DNTTIP2: variants seen among roughly 807,000 people sequenced by gnomAD.
DNTTIP2 encodes the protein deoxynucleotidyltransferase terminal-interacting protein 2.
Under a neutral mutation model 62.4 loss-of-function variants are expected in DNTTIP2, and 47 were observed. The observed-to-expected ratio is 0.75, with a 90% CI of 0.60 to 0.96. DNTTIP2 has a LOEUF of 0.96. Ranked by LOEUF, DNTTIP2 falls within the 40% of genes least tolerant of loss-of-function variation. The pLI is 0.00. For synonymous variants in DNTTIP2, 322 were observed against 300.9 expected (o/e 1.07, Z -0.73); for missense variants, 870 against 849.1 (o/e 1.02, Z -0.31).
In DNTTIP2 at chr1:93,868,575, T is replaced by A. The variant is rs1655774945; in HGVS notation, c.*1276A>T. The A allele has an allele frequency of 6.6e-6, 1 of 152,166 alleles. No individual in the cohort carries two copies. The highest frequency in any genetic ancestry group is 1.5e-5 in the Non-Finnish European group (1 of 68,048). 9.4% of individuals were successfully genotyped at this position (152,166 alleles called of 1,614,324 possible). A position where few individuals can be genotyped will look rare whatever the true frequency, so the allele number is the denominator to read the frequency against. ...ATGTTTACTGTGGCACTGTTCACAA[T>A]AGAAAAGACTTGGAACCAACCCAAA... On this transcript the variant is annotated 3_prime_UTR_variant, in exon 7 of 7. Transcript: ENST00000436063.
chr1:93,872,015 C>T (rs2100883684), intron 5 of DNTTIP2, 57 bp downstream of exon 5: 1 of 1,582,306 alleles, frequency 6.3e-7, no homozygotes, highest in Non-Finnish European at 8.7e-7. Context: ...AAGAACACTA[C>T]AGTGCTTTCC....
At position 93,876,735 on chromosome 1, in the gene DNTTIP2, T is replaced by TTCA; in HGVS notation, c.1197_1199dup (p.Asp399dup). The TTCA allele has an allele frequency of 1.9e-6, 3 of 1,614,024 alleles. No homozygotes were observed. The highest frequency in any genetic ancestry group is 2.5e-6 in the Non-Finnish European group (3 of 1,179,884). ...TGACACTTATAACTGTGGACTCTTCTTCATCATCACTACCACCACAATCAC... is the reference window on the plus strand; with the variant it reads ...TGACACTTATAACTGTGGACTCTTCTTCATCATCATCACTACCACCACAATCAC... On this transcript the variant is annotated inframe_insertion, in exon 2 of 7. Coordinates refer to ENST00000436063, the MANE Select transcript of DNTTIP2 (RefSeq NM_014597.5).
chr1:93,872,886 A>T (rs114313410), intron 4 of DNTTIP2, among the ~76,000 whole-genome samples: 5,976 of 151,236 alleles, frequency 0.04, 160 homozygotes, highest in African/African-American at 0.074. Flanking sequence ...ATATATATAT[A>T]TTTTTTTAAA....
rs1270677109 is a variant in DNTTIP2, at chr1:93,877,638, G to A, written c.297C>T (p.His99=). The change falls in exon 2 of 7, where the codon CAC becomes CAT. Residue 99 remains histidine, a synonymous_variant. Coordinates refer to ENST00000436063, the MANE Select transcript of DNTTIP2 (RefSeq NM_014597.5). The part of the protein sequence containing the change: ...EAESNYSVSE[H]HDTILRVTRR... ...TAGTTACCCTTAAAATGGTATCATG[G>A]TGCTCAGACACAGAATAATTTGACT... The A allele has an allele frequency of 6.2e-7, 1 of 1,613,982 alleles. No homozygotes were observed. The highest frequency in any genetic ancestry group is 2.2e-5 in the East Asian group (1 of 44,882).
chr1:93,873,334 T>G (rs950277858), intron 3 of DNTTIP2, 120 bp from the exon 4 acceptor site: 1 of 710,854 alleles, frequency 1.4e-6, no homozygotes, highest in Non-Finnish European at 2.4e-6. Context: ...CTCACACCTA[T>G]AATCCTAGTG....
At position 93,876,877 on chromosome 1, in the gene DNTTIP2, T is replaced by G. The variant is rs757668395; in HGVS notation, c.1058A>C (p.Asn353Thr). The change falls in exon 2 of 7, where the codon AAT becomes ACT. Residue 353 changes from asparagine to threonine, a missense_variant. By Grantham distance (65) the Asn-to-Thr change is moderately conservative. Transcript: ENST00000436063. Reference protein sequence around the residue: ...QNKNAVSVHSNLNSEAVMKSL... With the variant: ...QNKNAVSVHSTLNSEAVMKSL... ...TTTCATTACAGCCTCAGAGTTCAGA[T>G]TAGAGTGCACTGATACAGCATTTTT... 6.2e-7 allele frequency: 1 copy of G among 1,613,994 alleles called. No individual in the cohort carries two copies. Among genetic ancestry groups the G allele is most frequent in the South Asian group, 1.1e-5 (1 of 91,084 alleles).
Position 93,875,578 on chromosome 1 carries a change from T to C in DNTTIP2, c.1806+67A>G, listed in dbSNP as rs1406218532. ...TTCACTGTAGGAAAATTAAGTCTTT[T>C]ACCAAGGACTAATTTCTAAAAGTGA... is the stretch of plus-strand genomic sequence containing the variant. On this transcript the variant is annotated intron_variant, in intron 3 of 6. Transcript: ENST00000436063. The C allele has an allele frequency of 1.3e-5, 20 of 1,517,384 alleles. No homozygotes were observed. In the Admixed American group the frequency reaches 4.5e-4, roughly 34 times the overall value. The allele number at this position is 1,517,384 out of a possible 1,614,324, so 94.0% of individuals were successfully genotyped here.
Position 93,869,804 on chromosome 1 carries a change from A to C in DNTTIP2, c.*47T>G, listed in dbSNP as rs1655810723. 2 of 763,374 alleles carry C rather than the reference A, an allele frequency of 2.6e-6. No homozygotes were observed. The highest frequency in any genetic ancestry group is 4.9e-5 in the East Asian group (2 of 41,002). 47.3% of individuals were successfully genotyped at this position (763,374 alleles called of 1,614,324 possible). ...GTTAGTTTTCCAAACGTCTTTAATA[A>C]GTAAATAAAGGAGCAATGTAAAATG... On this transcript the variant is annotated 3_prime_UTR_variant, in exon 7 of 7. Transcript: ENST00000436063.
chr1:93,873,116 T>C lies in DNTTIP2; in HGVS notation c.1902+3A>G, dbSNP rs1557717911. On this transcript the variant is annotated splice_donor_region_variant and intron_variant, in intron 4 of 6. Coordinates refer to ENST00000436063, the MANE Select transcript of DNTTIP2 (RefSeq NM_014597.5). ...AGCATTTTAATTAAGTCACTGTACT[T>C]ACTCTGCGTTTTTTCTGAAGTTGAT... 1 of 1,599,594 alleles carries C rather than the reference T, an allele frequency of 6.3e-7. No individual in the cohort carries two copies. Among genetic ancestry groups the C allele is most frequent in the Non-Finnish European group, 8.6e-7 (1 of 1,168,872 alleles).
chr1:93,874,665 G>C (rs1042152563), intron 3 of DNTTIP2, among the ~76,000 whole-genome samples: 4 of 152,060 alleles, frequency 2.6e-5, no homozygotes, highest in African/African-American at 9.7e-5. Flanking sequence ...TGTGTTTTTT[G>C]GGGCAGGGAG....
At position 93,866,847 on chromosome 1, in the gene DNTTIP2, T is replaced by C. The variant is rs11165026; in HGVS notation, c.*3004A>G. On this transcript the variant is annotated 3_prime_UTR_variant, in exon 7 of 7. Transcript: ENST00000436063. ...TGTAGTCTTACAGCATCTACTTTGT[T>C]TTAAGAACATTTTGGGCCAGACGTG... is the stretch of plus-strand genomic sequence containing the variant. The C allele has an allele frequency of 0.47, 71,298 of 151,962 alleles. 17,032 individuals are homozygous for C. Among genetic ancestry groups the C allele is most frequent in the East Asian group, 0.62 (3,209 of 5,164 alleles). 9.4% of individuals were successfully genotyped at this position (151,962 alleles called of 1,614,324 possible).
At chr1:93,871,472 T>C (rs1655861213) in intron 5 of DNTTIP2, among the ~76,000 whole-genome samples, 1 of 149,228 alleles carries the variant, frequency 6.7e-6, no homozygotes, top group South Asian at 2.1e-4. Context: ...TGGGTAAAAT[T>C]TCACCAAACA....
rs779102382 is a variant in DNTTIP2, at chr1:93,869,882, T to C, written c.2240A>G (p.Lys747Arg). 6.4e-6 allele frequency: 5 copies of C among 780,282 alleles called. No homozygotes were observed. Among genetic ancestry groups the C allele is most frequent in the Admixed American group, 5.1e-5 (3 of 59,026 alleles). 48.3% of individuals were successfully genotyped at this position (780,282 alleles called of 1,614,324 possible). A position where few individuals can be genotyped will look rare whatever the true frequency, so the allele number is the denominator to read the frequency against. The part of the protein sequence containing the change: ...AEKAANAAGK[K>R]FRKKKKFRN ...GCGAAATTTCTTCTTCTTTCGGAACTTTTTTCCTGCTGCATTTGCTGCTTT... is the reference window on the plus strand; with the variant it reads ...GCGAAATTTCTTCTTCTTTCGGAACCTTTTTCCTGCTGCATTTGCTGCTTT... Residue 747 changes from lysine to arginine, a missense_variant, in exon 7 of 7, where the codon AAG (lysine) becomes AGG (arginine). Coordinates refer to ENST00000436063, the MANE Select transcript of DNTTIP2 (RefSeq NM_014597.5).
chr1:93,878,976 T>A, intron 1 of DNTTIP2, 101 bp downstream of exon 1: 3 of 1,455,760 alleles, frequency 2.1e-6, no homozygotes, highest in Non-Finnish European at 2.8e-6. Flanking sequence ...GGGTCCTCTC[T>A]GTCGGCAGGT....
At chr1:93,873,354 G>A in intron 3 of DNTTIP2, 140 bp from the exon 4 acceptor site, 1 of 585,624 alleles carries the variant, frequency 1.7e-6, no homozygotes, top group South Asian at 1.9e-5. Flanking sequence ...GCTTTGAGGA[G>A]GCCAAGGGAG....
In DNTTIP2 at chr1:93,876,605, C is replaced by T. The variant is rs775487425; in HGVS notation, c.1330G>A (p.Val444Ile). 3.7e-6 allele frequency: 6 copies of T among 1,613,888 alleles called. No homozygotes were observed. The highest frequency in any genetic ancestry group is 5.1e-6 in the Non-Finnish European group (6 of 1,179,902). ...SQGKDNSVLL[V>I]LSSDESQQSE... Reference sequence around the variant, plus strand: ...TGTTGGCTTTCATCACTGCTGAGAACTAGTAAGACAGAATTATCTTTACCC... The same window carrying T: ...TGTTGGCTTTCATCACTGCTGAGAATTAGTAAGACAGAATTATCTTTACCC... Residue 444 changes from valine (V) to isoleucine (I), a missense_variant, in exon 2 of 7, where the codon GTT (valine) becomes ATT (isoleucine). Transcript: ENST00000436063.
At position 93,866,769 on chromosome 1, in the gene DNTTIP2, G is replaced by T. The variant is rs1235942982; in HGVS notation, c.*3082C>A. 1 of 152,196 alleles carries T rather than the reference G, an allele frequency of 6.6e-6. No individual in the cohort carries two copies. Among genetic ancestry groups the T allele is most frequent in the Non-Finnish European group, 1.5e-5 (1 of 68,052 alleles). The allele number at this position is 152,196 out of a possible 1,614,324, so 9.4% of individuals were successfully genotyped here. ...ATCATACAGCAGAACACTGAACACA[G>T]AACTGATTGTGTTGGATGCTAAGAA... On this transcript the variant is annotated 3_prime_UTR_variant, in exon 7 of 7. Coordinates refer to ENST00000436063, the MANE Select transcript of DNTTIP2 (RefSeq NM_014597.5).
chr1:93,878,250 G>T (rs1399367811), intron 1 of DNTTIP2, among the ~76,000 whole-genome samples: 1 of 152,148 alleles, frequency 6.6e-6, no homozygotes, highest in East Asian at 1.9e-4. Context: ...GTTGCAGTGA[G>T]CCGAGGCTGC....
At position 93,877,114 on chromosome 1, in the gene DNTTIP2, G is replaced by C; in HGVS notation, c.821C>G (p.Ser274Ter). Residue 274 changes from serine (S) to a stop codon, truncating the protein, a stop_gained, in exon 2 of 7, where the codon TCA becomes TGA. Transcript: ENST00000436063. LOFTEE classifies it high-confidence loss of function. Reference sequence around the variant, plus strand: ...TTCGTGCACTGTTAATATATTTTCTGAACTTCTGTGGGAGAAATCATCATC... The same window carrying C: ...TTCGTGCACTGTTAATATATTTTCTCAACTTCTGTGGGAGAAATCATCATC... Reference protein sequence around the residue: ...DFDDDFSHRSSENILTVHEQA... With the variant: ...DFDDDFSHRS The C allele has an allele frequency of 6.2e-7, 1 of 1,611,398 alleles. No homozygotes were observed. The highest frequency in any genetic ancestry group is 8.5e-7 in the Non-Finnish European group (1 of 1,179,762).
Sources: gnomAD v4.1 joint callset for allele counts (sites outside exome capture counted in the v4.1 genomes callset) on GRCh38, gnomAD v4.1.1 for gene constraint, MANE v1.5 for transcripts, NCBI Gene and HGNC (gene_info 2026-07-23, HGNC 2026-07-21) for gene names.